The following DNM3 variants were observed in gnomAD, a reference collection of about 807,000 sequenced individuals.
DNM3 encodes dynamin-3.
DNM3 carries 47 observed loss-of-function variants against 101.6 expected under a neutral mutation model. The observed-to-expected ratio is 0.46, with a 90% CI of 0.37 to 0.59. The LOEUF is 0.59. DNM3 is among the 20% of genes least tolerant of loss of function. The pLI, the probability that DNM3 is intolerant of heterozygous loss-of-function variation, is 0.00. For synonymous variants in DNM3, 385 were observed against 387.9 expected (o/e 0.99, Z 0.09); for missense variants, 849 against 1,085.7 (o/e 0.78, Z 3.06).
intron 14 of DNM3, chr1:172,133,262 T>C (rs1308938959): frequency 8.4e-6 from 9 of 1,071,472 alleles, no homozygotes; most frequent in Non-Finnish European, 1.0e-5. Flanking sequence ...CTTGGTGAGC[T>C]CTTGGTTATT....
chr1:171,896,337 C>CT (rs1160255727), intron 1 of DNM3, among the ~76,000 whole-genome samples: 1 of 152,134 alleles, frequency 6.6e-6, no homozygotes, highest in Non-Finnish European at 1.5e-5. Flanking sequence ...TGTAGTTCTC[C>CT]TTGAAGAGGT....
intron 17 of DNM3, among the ~76,000 whole-genome samples, chr1:172,375,780 G>A (rs959072918): frequency 1.3e-5 from 2 of 151,518 alleles, no homozygotes; most frequent in Non-Finnish European, 2.9e-5. Flanking sequence ...AGGCTGAGGC[G>A]GGACCATCGC....
At chr1:172,348,589 G>C (rs190246587) in intron 17 of DNM3, among the ~76,000 whole-genome samples, 86 of 152,168 alleles carry the variant, frequency 5.7e-4, no homozygotes, top group South Asian at 1.5e-3. Flanking sequence ...AGAGTATTTT[G>C]TGTACTGAAA....
intron 4 of DNM3, among the ~76,000 whole-genome samples, chr1:172,025,631 G>A (rs1263529789): frequency 6.6e-6 from 1 of 152,200 alleles, no homozygotes; most frequent in East Asian, 1.9e-4. Flanking sequence ...TTGCTGTTCT[G>A]CAGCCTCCGC....
At chr1:172,400,814 A>G (rs576139311) in intron 20 of DNM3, among the ~76,000 whole-genome samples, 3 of 152,282 alleles carry the variant, frequency 2.0e-5, no homozygotes, top group South Asian at 4.1e-4. Context: ...GATTTCTCAA[A>G]CTTCAGTACT....
chr1:172,088,061 G>A (rs2053653815), intron 12 of DNM3, among the ~76,000 whole-genome samples: 2 of 152,242 alleles, frequency 1.3e-5, no homozygotes, highest in African/African-American at 4.8e-5. Context: ...AATAACCCTG[G>A]CATCAAAACA....
rs544057657 is a variant in DNM3, at chr1:172,218,351, T to A, written c.1660-35222T>A. Among the ~76,000 whole-genome samples, 729 of 152,146 alleles carry A rather than the reference T, an allele frequency of 4.8e-3. 5 individuals carry two copies. The highest frequency in any genetic ancestry group is 9.9e-3 in the African/African-American group (412 of 41,538). On this transcript the variant is annotated intron_variant, in intron 14 of 20. Coordinates refer to ENST00000627582, the MANE Select transcript of DNM3 (RefSeq NM_015569.5). ...TTATGTACATGAAGATTTTTTTTTTTAAAGTGAAAGAATTTTGTTCTTTGT... is the reference window on the plus strand; with the variant it reads ...TTATGTACATGAAGATTTTTTTTTTAAAAGTGAAAGAATTTTGTTCTTTGT...
intron 1 of DNM3, among the ~76,000 whole-genome samples, chr1:171,905,978 G>A (rs1317576147): frequency 6.6e-6 from 1 of 152,100 alleles, no homozygotes; most frequent in Non-Finnish European, 1.5e-5. Flanking sequence ...GGATGTACCA[G>A]ACTCATTTCC....
chr1:172,319,410 T>C (rs536092741), intron 16 of DNM3, among the ~76,000 whole-genome samples: 32 of 149,910 alleles, frequency 2.1e-4, no homozygotes, highest in Non-Finnish European at 2.8e-4. Context: ...AACTAAAGAG[T>C]TTCTGCACAG....
chr1:172,112,382 G>T (rs75415345), intron 13 of DNM3, among the ~76,000 whole-genome samples: 2 of 152,276 alleles, frequency 1.3e-5, no homozygotes, highest in African/African-American at 4.8e-5. Flanking sequence ...CAGAGCTGGG[G>T]CTCACAATTG....
At chr1:172,080,377 G>T (rs2053043265) in intron 11 of DNM3, among the ~76,000 whole-genome samples, 1 of 152,170 alleles carries the variant, frequency 6.6e-6, no homozygotes, top group South Asian at 2.1e-4. Flanking sequence ...TTGAACTGTA[G>T]TGGAGTCCTC....
intron 2 of DNM3, among the ~76,000 whole-genome samples, chr1:171,976,429 C>G (rs2044374384): frequency 6.6e-6 from 1 of 152,168 alleles, no homozygotes; most frequent in Non-Finnish European, 1.5e-5. Flanking sequence ...TGGCGGCAGG[C>G]AAGAGAACAT....
At position 172,410,854 on chromosome 1, in the gene DNM3, G is replaced by A; in HGVS notation, c.*3013G>A. On this transcript the variant is annotated 3_prime_UTR_variant, in exon 21 of 21. Coordinates refer to ENST00000627582, the MANE Select transcript of DNM3 (RefSeq NM_015569.5). ...TTGTGACTTTTTAGTATAGACTGTAGCCATAATTCTCAAATATGAAATGGG... is the reference window on the plus strand; with the variant it reads ...TTGTGACTTTTTAGTATAGACTGTAACCATAATTCTCAAATATGAAATGGG... The A allele has an allele frequency of 5.1e-6, 5 of 985,256 alleles. No homozygotes were observed. In the South Asian group the frequency reaches 2.3e-4, roughly 46 times the overall value. The allele number at this position is 985,256 out of a possible 1,614,324, so 61.0% of individuals were successfully genotyped here. A position where few individuals can be genotyped will look rare whatever the true frequency, so the allele number is the denominator to read the frequency against.
At chr1:172,045,247 G>A (rs2049700533) in intron 9 of DNM3, among the ~76,000 whole-genome samples, 1 of 152,150 alleles carries the variant, frequency 6.6e-6, no homozygotes, top group Admixed American at 6.5e-5. Flanking sequence ...TTCCATCTTA[G>A]TCTGTTTGGA....
At chr1:172,024,038 T>C (rs1244117662) in intron 4 of DNM3, among the ~76,000 whole-genome samples, 1 of 152,124 alleles carries the variant, frequency 6.6e-6, no homozygotes, top group Non-Finnish European at 1.5e-5. Context: ...AAGTTCTCCT[T>C]TCTCTCAGAA....
chr1:172,045,662 A>G (rs1030075241), intron 9 of DNM3, among the ~76,000 whole-genome samples: 1 of 152,216 alleles, frequency 6.6e-6, no homozygotes, highest in African/African-American at 2.4e-5. Context: ...TATTCATTTC[A>G]TGTACAGAAG....
chr1:171,847,533 C>G (rs894462713), intron 1 of DNM3, among the ~76,000 whole-genome samples: 8 of 93,524 alleles, frequency 8.6e-5, no homozygotes, highest in African/African-American at 3.3e-4. Context: ...AGAAGAGCAG[C>G]AAGGAAAAAA....
At chr1:172,003,896 G>A (rs1177090995) in intron 4 of DNM3, among the ~76,000 whole-genome samples, 2 of 151,902 alleles carry the variant, frequency 1.3e-5, no homozygotes, top group Non-Finnish European at 2.9e-5. Context: ...TATGGAAGGA[G>A]AAAGTGGGCA....
intron 2 of DNM3, among the ~76,000 whole-genome samples, chr1:171,972,796 C>T (rs2044096832): frequency 6.6e-6 from 1 of 152,120 alleles, no homozygotes; most frequent in South Asian, 2.1e-4. Flanking sequence ...TTGCAGTGGG[C>T]TGAGATCGCA....
Sources: gnomAD v4.1 joint callset for allele counts (sites outside exome capture counted in the v4.1 genomes callset) on GRCh38, gnomAD v4.1.1 for gene constraint, MANE v1.5 for transcripts, NCBI Gene and HGNC (gene_info 2026-07-23, HGNC 2026-07-21) for gene names.